NELL1: variants seen among roughly 807,000 people sequenced by gnomAD.
The protein encoded by NELL1 is neural EGFL like 1, also known as protein kinase C-binding protein NELL1.
A neutral mutation model predicts 107.4 loss-of-function variants in NELL1; 76 were observed. That is an observed-to-expected ratio of 0.71 (90% CI 0.59 to 0.86). NELL1 has a LOEUF of 0.86. NELL1 is among the 40% of genes least tolerant of loss of function. NELL1 has a pLI of 0.00. For missense variants in NELL1, 1,024 were observed against 1,005.5 expected, an observed-to-expected ratio of 1.02 and a Z score of -0.25; for synonymous variants, 353 against 341.2, an observed-to-expected ratio of 1.03 and a Z score of -0.38.
At chr11:21,225,314 A>G (rs1344993943) in intron 13 of NELL1, among the ~76,000 whole-genome samples, 1 of 152,156 alleles carries the variant, frequency 6.6e-6, no homozygotes, top group African/African-American at 2.4e-5. Context: ...TTGGACTCCA[A>G]ATGCTCCCTA....
At chr11:20,893,380 T>TA (rs397811687) in intron 5 of NELL1, among the ~76,000 whole-genome samples, 82 of 149,806 alleles carry the variant, frequency 5.5e-4, no homozygotes, top group Non-Finnish European at 1.1e-3. Flanking sequence ...TTTTTTTTTT[T>TA]AATAAATAAA....
chr11:21,080,704 G>T (rs1317979561), intron 12 of NELL1, among the ~76,000 whole-genome samples: 1 of 152,010 alleles, frequency 6.6e-6, no homozygotes, highest in African/African-American at 2.4e-5. Flanking sequence ...AAATAATCTT[G>T]TAAGTGGATT....
At chr11:21,526,060 C>A (rs1855846789) in intron 15 of NELL1, among the ~76,000 whole-genome samples, 1 of 152,164 alleles carries the variant, frequency 6.6e-6, no homozygotes, top group Admixed American at 6.5e-5. Flanking sequence ...TGACACAAGG[C>A]AAGCCTCTTC....
chr11:21,159,199 A>G (rs1856309239), intron 13 of NELL1, among the ~76,000 whole-genome samples: 1 of 152,104 alleles, frequency 6.6e-6, no homozygotes, highest in Non-Finnish European at 1.5e-5. Context: ...TAGGACTTAG[A>G]TCTTAGACTT....
intron 15 of NELL1, among the ~76,000 whole-genome samples, chr11:21,402,896 C>G (rs1343315504): frequency 6.6e-6 from 1 of 151,662 alleles, no homozygotes; most frequent in Non-Finnish European, 1.5e-5. Context: ...TATTGCCATT[C>G]TCTTTTAATT....
At chr11:21,232,644 C>CT (rs1246512529) in intron 14 of NELL1, among the ~76,000 whole-genome samples, 2 of 152,068 alleles carry the variant, frequency 1.3e-5, no homozygotes, top group Non-Finnish European at 2.9e-5. Context: ...TGAACTAAGT[C>CT]TTTTTTATTT....
intron 15 of NELL1, among the ~76,000 whole-genome samples, chr11:21,416,440 C>A (rs945319415): frequency 2.6e-5 from 4 of 152,028 alleles, no homozygotes; most frequent in Non-Finnish European, 4.4e-5. Flanking sequence ...GTGCTTCCTG[C>A]ATTAATTAGT....
chr11:21,244,849 A>G (rs1319914422), intron 14 of NELL1, among the ~76,000 whole-genome samples: 2 of 152,124 alleles, frequency 1.3e-5, no homozygotes, highest in South Asian at 2.1e-4. Context: ...TGGCTCTTCT[A>G]CTTAGCTAGT....
chr11:21,555,799 G>A (rs1856689967), intron 16 of NELL1, among the ~76,000 whole-genome samples: 1 of 151,834 alleles, frequency 6.6e-6, no homozygotes, highest in Non-Finnish European at 1.5e-5. Flanking sequence ...TTGCCAAAGT[G>A]AGATGAGTTT....
At chr11:21,247,054 A>G (rs773724190) in intron 14 of NELL1, among the ~76,000 whole-genome samples, 34 of 152,264 alleles carry the variant, frequency 2.2e-4, no homozygotes, top group Admixed American at 1.2e-3. Context: ...CACAGTAAAA[A>G]TGTGGTATAA....
chr11:21,332,900 G>A (rs2363), intron 14 of NELL1, among the ~76,000 whole-genome samples: 17,057 of 151,932 alleles, frequency 0.11, 1,224 homozygotes, highest in Non-Finnish European at 0.16. Flanking sequence ...TCAGTCTACT[G>A]AGATTATTTT....
intron 12 of NELL1, among the ~76,000 whole-genome samples, chr11:21,100,707 A>G (rs1854783802): frequency 6.6e-6 from 1 of 152,194 alleles, no homozygotes; most frequent in African/African-American, 2.4e-5. Context: ...TCCCAACCAC[A>G]TATAGAGGGC....
intron 12 of NELL1, among the ~76,000 whole-genome samples, chr11:21,056,840 G>T (rs150751050): frequency 6.6e-6 from 1 of 152,044 alleles, no homozygotes; most frequent in African/African-American, 2.4e-5. Context: ...GGAAACTGAA[G>T]CTCTGGGATC....
At chr11:21,323,873 G>A (rs191804436) in intron 14 of NELL1, among the ~76,000 whole-genome samples, 2 of 152,154 alleles carry the variant, frequency 1.3e-5, no homozygotes, top group East Asian at 3.9e-4. Flanking sequence ...CACAGAATCA[G>A]GGTTGAGCAA....
At chr11:21,295,689 G>C (rs1031700327) in intron 14 of NELL1, among the ~76,000 whole-genome samples, 1 of 151,978 alleles carries the variant, frequency 6.6e-6, no homozygotes, top group Non-Finnish European at 1.5e-5. Flanking sequence ...TTGAAGGGAG[G>C]CACTTGGTCC....
At chr11:21,438,263 T>G (rs1405837342) in intron 15 of NELL1, among the ~76,000 whole-genome samples, 1 of 151,926 alleles carries the variant, frequency 6.6e-6, no homozygotes, top group Non-Finnish European at 1.5e-5. Flanking sequence ...ATGACAGTTT[T>G]TTTGTTTGTT....
intron 15 of NELL1, among the ~76,000 whole-genome samples, chr11:21,433,908 C>T (rs1034181608): frequency 3.3e-5 from 5 of 152,170 alleles, no homozygotes; most frequent in East Asian, 1.9e-4. Context: ...CTCCCGGCCT[C>T]AGGTGACCTG....
intron 13 of NELL1, among the ~76,000 whole-genome samples, chr11:21,144,455 C>A (rs139407727): frequency 0.01 from 1,547 of 152,200 alleles, 26 homozygotes; most frequent in African/African-American, 0.035. Context: ...TCTTACAAAA[C>A]AATGCATATA....
chr11:21,372,976 A>G (rs1194641821), intron 15 of NELL1, among the ~76,000 whole-genome samples: 1 of 152,080 alleles, frequency 6.6e-6, no homozygotes, highest in Non-Finnish European at 1.5e-5. Flanking sequence ...AATCAAGACC[A>G]GGGAAAAAGT....
Sources: gnomAD v4.1 joint callset for allele counts (sites outside exome capture counted in the v4.1 genomes callset) on GRCh38, gnomAD v4.1.1 for gene constraint, MANE v1.5 for transcripts, NCBI Gene and HGNC (gene_info 2026-07-23, HGNC 2026-07-21) for gene names.